Variants in KCNMA1 observed in about 807,000 individuals in gnomAD.
KCNMA1 encodes the protein potassium calcium-activated channel subfamily M alpha 1.
In KCNMA1, 29 loss-of-function variants were observed where a neutral mutation model predicts 140.0. The ratio of observed to expected loss-of-function variants is 0.21; its 90% CI spans 0.15 to 0.28. The LOEUF (loss-of-function observed/expected upper bound fraction) is 0.28. KCNMA1 is among the 10% of genes least tolerant of loss of function. KCNMA1 has a pLI of 1.00. For synonymous variants in KCNMA1, 612 were observed against 611.9 expected (o/e 1.00, Z 0.00); for missense variants, 880 against 1,602.2 (o/e 0.55, Z 7.70).
intron 15 of KCNMA1, among the ~76,000 whole-genome samples, chr10:77,038,117 G>T (rs1170832133): frequency 6.6e-6 from 1 of 152,178 alleles, no homozygotes; most frequent in Non-Finnish European, 1.5e-5. Flanking sequence ...ATTGCTTAGG[G>T]TCTGGGCCCA....
At chr10:77,572,750 T>C (rs2072138354) in intron 1 of KCNMA1, among the ~76,000 whole-genome samples, 1 of 134,460 alleles carries the variant, frequency 7.4e-6, no homozygotes, top group Admixed American at 7.2e-5. Context: ...AGTGAGATCT[T>C]GTCTCAAAAA....
At chr10:77,134,549 A>T (rs1292262664) in intron 5 of KCNMA1, among the ~76,000 whole-genome samples, 1 of 152,176 alleles carries the variant, frequency 6.6e-6, no homozygotes. Flanking sequence ...AAACTGTGAA[A>T]CTACTAGAAG....
intron 4 of KCNMA1, 53 bp downstream of exon 4, chr10:77,184,770 G>T: frequency 9.0e-7 from 1 of 1,106,044 alleles, no homozygotes; most frequent in Non-Finnish European, 1.4e-6. Context: ...TGATCCCTGG[G>T]TCCCAGACTG....
At chr10:77,060,236 G>A (rs1431309422) in intron 14 of KCNMA1, among the ~76,000 whole-genome samples, 1 of 152,094 alleles carries the variant, frequency 6.6e-6, no homozygotes, top group Non-Finnish European at 1.5e-5. Flanking sequence ...GGAAAGACAA[G>A]GACACTAGAA....
intron 3 of KCNMA1, among the ~76,000 whole-genome samples, chr10:77,205,657 G>A (rs920399557): frequency 3.4e-4 from 52 of 152,168 alleles, no homozygotes; most frequent in African/African-American, 1.3e-3. Flanking sequence ...CATATATGAT[G>A]AAGATTCCAT....
At position 77,415,981 on chromosome 10, in the gene KCNMA1, CT is replaced by C. The variant is rs530426358; in HGVS notation, c.379-11959del. Reference sequence around the variant, plus strand: ...TGGCAGAGCTGGCATTTGACAGTTTCTTTTTTTATGTTTTTGCTTGTCAAAA... The same window carrying C: ...TGGCAGAGCTGGCATTTGACAGTTTCTTTTTTATGTTTTTGCTTGTCAAAA... On this transcript the variant is annotated intron_variant, in intron 1 of 27. Transcript: ENST00000286628. 2.5e-3 allele frequency among the ~76,000 whole-genome samples: 379 copies of C among 152,254 alleles called. 3 individuals are homozygous for C. Among genetic ancestry groups the C allele is most frequent in the South Asian group, 3.5e-3 (17 of 4,816 alleles).
At position 77,621,523 on chromosome 10, in the gene KCNMA1, T is replaced by TAC. The variant is rs55689211; in HGVS notation, c.378+15740_378+15741dup. Among the ~76,000 whole-genome samples the TAC allele has an allele frequency of 3.2e-3, 464 of 146,648 alleles. 2 individuals carry two copies. Among genetic ancestry groups the TAC allele is most frequent in the East Asian group, 7.9e-3 (40 of 5,084 alleles). ...TGTGCATCTCACACATACGTACATG[T>TAC]ACACACACACACACACACACACACC... On this transcript the variant is annotated intron_variant, in intron 1 of 27. Coordinates refer to ENST00000286628, the MANE Select transcript of KCNMA1 (RefSeq NM_001161352.2).
At chr10:77,396,719 G>C (rs1013502853) in intron 2 of KCNMA1, among the ~76,000 whole-genome samples, 1 of 152,140 alleles carries the variant, frequency 6.6e-6, no homozygotes, top group Middle Eastern at 3.2e-3. Flanking sequence ...AAAGAGAGAG[G>C]CTGATATTTT....
At chr10:77,222,558 G>C (rs2050027949) in intron 3 of KCNMA1, among the ~76,000 whole-genome samples, 1 of 152,178 alleles carries the variant, frequency 6.6e-6, no homozygotes, top group African/African-American at 2.4e-5. Flanking sequence ...TCAGTTCGCT[G>C]CTCTGGGGTA....
intron 5 of KCNMA1, among the ~76,000 whole-genome samples, chr10:77,145,040 G>A (rs145427827): frequency 2.0e-5 from 3 of 152,278 alleles, no homozygotes; most frequent in African/African-American, 7.2e-5. Flanking sequence ...AGTCAAACTG[G>A]TCTATATTCT....
At chr10:77,284,416 TAA>T (rs769904716) in intron 2 of KCNMA1, among the ~76,000 whole-genome samples, 1 of 152,178 alleles carries the variant, frequency 6.6e-6, no homozygotes, top group Non-Finnish European at 1.5e-5. Context: ...ACAGGCATAT[TAA>T]AATGTAAAAC....
chr10:77,073,487 T>C (rs1277694287), intron 13 of KCNMA1, among the ~76,000 whole-genome samples: 2 of 152,154 alleles, frequency 1.3e-5, no homozygotes, highest in African/African-American at 4.8e-5. Context: ...CCTGGGTTTG[T>C]CATTTAGCCA....
chr10:76,916,103 TTTTC>T (rs997063400), intron 23 of KCNMA1, among the ~76,000 whole-genome samples: 8 of 152,172 alleles, frequency 5.3e-5, no homozygotes, highest in African/African-American at 9.7e-5. Context: ...GTTCACATTT[TTTTC>T]TTTCTGTTTA....
chr10:76,946,154 G>A (rs796300904), intron 22 of KCNMA1, among the ~76,000 whole-genome samples: 20 of 152,160 alleles, frequency 1.3e-4, no homozygotes, highest in African/African-American at 4.8e-4. Context: ...AAAATAGAAG[G>A]GTTAGGTTAG....
At chr10:77,141,639 A>G (rs2098172914) in intron 5 of KCNMA1, among the ~76,000 whole-genome samples, 1 of 152,218 alleles carries the variant, frequency 6.6e-6, no homozygotes, top group Non-Finnish European at 1.5e-5. Flanking sequence ...AGTTTTTGAT[A>G]TCTTGTTAAG....
At chr10:77,402,516 T>C (rs959669329) in intron 2 of KCNMA1, among the ~76,000 whole-genome samples, 1 of 152,194 alleles carries the variant, frequency 6.6e-6, no homozygotes, top group Non-Finnish European at 1.5e-5. Flanking sequence ...TCACGGCAGA[T>C]CCCTCGGTGA....
At chr10:76,970,326 TAAGAA>T (rs768974890) in intron 19 of KCNMA1, 14 of 123,592 alleles carry the variant, frequency 1.1e-4, no homozygotes, top group Non-Finnish European at 1.5e-4. Context: ...CACCCTGCCA[TAAGAA>T]AAAAAAAAAA....
intron 1 of KCNMA1, among the ~76,000 whole-genome samples, chr10:77,590,587 A>C (rs2078802228): frequency 6.6e-6 from 1 of 152,144 alleles, no homozygotes. Flanking sequence ...ACCTCCCCGC[A>C]AGCTGAGGGA....
intron 1 of KCNMA1, among the ~76,000 whole-genome samples, chr10:77,506,840 AGTGTGTGTGT>A (rs67309788): frequency 5.0e-5 from 6 of 120,856 alleles, no homozygotes; most frequent in African/African-American, 1.7e-4. Flanking sequence ...AGAGAGAGAG[AGTGTGTGTGT>A]GTGTGTGTGT....
Sources: allele counts gnomAD v4.1 joint callset (sites outside exome capture counted in the v4.1 genomes callset), GRCh38; gene constraint gnomAD v4.1.1; transcripts MANE v1.5; gene names NCBI Gene and HGNC (gene_info 2026-07-23, HGNC 2026-07-21).